The following RANBP3 variants were observed in gnomAD, a reference collection of about 807,000 sequenced individuals.
The protein encoded by RANBP3 is ran-binding protein 3.
A neutral mutation model predicts 77.3 loss-of-function variants in RANBP3; 14 were observed. That is an observed-to-expected ratio of 0.18 (90% CI 0.12 to 0.28). RANBP3 has a LOEUF of 0.28. Ranked by LOEUF, RANBP3 falls within the 10% of genes least tolerant of loss-of-function variation. The probability of loss-of-function intolerance (pLI) is 1.00; values close to 1 mark genes in which losing one functional copy is unlikely to be tolerated. For missense variants in RANBP3, 586 were observed against 752.3 expected, an observed-to-expected ratio of 0.78 and a Z score of 2.59; for synonymous variants, 315 against 312.4, an observed-to-expected ratio of 1.01 and a Z score of -0.09.
intron 16 of RANBP3, 29 bp downstream of exon 16, chr19:5,917,765 C>G: frequency 6.3e-7 from 1 of 1,591,396 alleles, no homozygotes; most frequent in South Asian, 1.1e-5. Flanking sequence ...TCTTTCTATC[C>G]CCCCCAGGGT....
chr19:5,931,852 G>A (rs2057996680), intron 7 of RANBP3, among the ~76,000 whole-genome samples: 1 of 152,000 alleles, frequency 6.6e-6, no homozygotes, highest in Non-Finnish European at 1.5e-5. Flanking sequence ...GGGCAACACA[G>A]CAAGTCCTCG....
chr19:5,973,278 G>A (rs2058551094), intron 1 of RANBP3, among the ~76,000 whole-genome samples: 1 of 152,202 alleles, frequency 6.6e-6, no homozygotes, highest in Non-Finnish European at 1.5e-5. Flanking sequence ...TCAACAAGGT[G>A]CAAGCTGAGA....
intron 8 of RANBP3, among the ~76,000 whole-genome samples, chr19:5,929,308 G>A (rs1393582154): frequency 6.6e-6 from 1 of 152,242 alleles, no homozygotes; most frequent in East Asian, 1.9e-4. Flanking sequence ...CTCAGAGGAT[G>A]GGCTAATCCC....
At chr19:5,927,266 C>T (rs1243524822) in intron 9 of RANBP3, among the ~76,000 whole-genome samples, 1 of 152,166 alleles carries the variant, frequency 6.6e-6, no homozygotes, top group Non-Finnish European at 1.5e-5. Context: ...ATCCCTTCCC[C>T]ACCACACAAT....
intron 10 of RANBP3, 38 bp downstream of exon 10, chr19:5,925,596 C>T (rs539822365): frequency 7.6e-6 from 12 of 1,583,280 alleles, no homozygotes; most frequent in East Asian, 4.5e-5. Context: ...CCACCTGCAT[C>T]GCCATGCCAG....
At chr19:5,961,046 C>T (rs987504754) in intron 1 of RANBP3, among the ~76,000 whole-genome samples, 1 of 152,218 alleles carries the variant, frequency 6.6e-6, no homozygotes, top group African/African-American at 2.4e-5. Flanking sequence ...GTACCCACCC[C>T]TGCCACCATT....
In RANBP3 at chr19:5,921,338, G is replaced by A. The variant is rs757348905; in HGVS notation, c.1210-17C>T. On this transcript the variant is annotated splice_polypyrimidine_tract_variant and intron_variant, in intron 13 of 16. Coordinates refer to ENST00000340578, the MANE Select transcript of RANBP3 (RefSeq NM_007322.3). The surrounding 1 kb of genome is among the most constrained non-coding windows in gnomAD (Gnocchi z 5.3). The stretch of plus-strand genomic sequence containing the variant: ...GCACTGCATCTGGAACACAGTGGCC[G>A]CCGGTAAGCAGGGACCCCAGCTGGT... 3.5e-5 allele frequency: 57 copies of A among 1,612,298 alleles called. No homozygotes were observed. Among genetic ancestry groups the A allele is most frequent in the East Asian group, 2.0e-4 (9 of 44,832 alleles).
chr19:5,964,848 A>AGGGT (rs2058445026), intron 1 of RANBP3, among the ~76,000 whole-genome samples: 1 of 4,726 alleles, frequency 2.1e-4, no homozygotes, highest in Non-Finnish European at 4.2e-4. Context: ...TGGAGGTGGT[A>AGGGT]GGGTGGGGGG....
chr19:5,924,381 G>A lies in RANBP3; in HGVS notation c.996+446C>T, dbSNP rs768174416. On this transcript the variant is annotated intron_variant, in intron 11 of 16. Transcript: ENST00000340578. This position sits in a 1 kb window ranked among gnomAD's most constrained non-coding sequence, Gnocchi z 4.7. ...TAGAACCCTCTCCCAGGCTGGCTGGGCTCCTGGGAACGGAGATGGGCCTTT... is the reference window on the plus strand; with the variant it reads ...TAGAACCCTCTCCCAGGCTGGCTGGACTCCTGGGAACGGAGATGGGCCTTT... 3.9e-5 allele frequency among the ~76,000 whole-genome samples: 6 copies of A among 152,250 alleles called. No homozygotes were observed. Among genetic ancestry groups the A allele is most frequent in the African/African-American group, 1.4e-4 (6 of 41,464 alleles).
intron 1 of RANBP3, among the ~76,000 whole-genome samples, chr19:5,972,932 A>G (rs1156412863): frequency 6.6e-6 from 1 of 152,198 alleles, no homozygotes; most frequent in African/African-American, 2.4e-5. Flanking sequence ...AGGCAGGCTG[A>G]AGGCTTGTTT....
chr19:5,935,807 T>C (rs1384912343), intron 5 of RANBP3: 1 of 456,682 alleles, frequency 2.2e-6, no homozygotes, highest in Admixed American at 2.3e-5. Flanking sequence ...AAAACAAGGG[T>C]GGTCTCTTCT....
Position 5,941,692 on chromosome 19 carries a change from T to G in RANBP3, c.335A>C (p.Asp112Ala). ...PEGGEDSDRE[D>A]GNYCPPVKRE... The stretch of plus-strand genomic sequence containing the variant: ...CTTGACAGGAGGGCAGTAATTTCCA[T>G]CTTCTCTGTCAGAATCTACAGAAAA... Residue 112 changes from aspartate (D) to alanine (A), a missense_variant, in exon 5 of 17, where the codon GAT becomes GCT. By Grantham distance (126) the Asp-to-Ala change is moderately radical (BLOSUM62 -2). Coordinates refer to ENST00000340578, the MANE Select transcript of RANBP3 (RefSeq NM_007322.3). 6.2e-7 allele frequency: 1 copy of G among 1,613,792 alleles called. No homozygotes were observed. The highest frequency in any genetic ancestry group is 8.5e-7 in the Non-Finnish European group (1 of 1,179,896).
intron 1 of RANBP3, among the ~76,000 whole-genome samples, chr19:5,971,566 A>C (rs1175641906): frequency 1.3e-5 from 2 of 152,238 alleles, no homozygotes; most frequent in African/African-American, 4.8e-5. Flanking sequence ...AATAAGAGTG[A>C]AAAAAGAGCA....
chr19:5,932,631 C>G, intron 6 of RANBP3, 87 bp from the exon 7 acceptor site: 1 of 1,051,244 alleles, frequency 9.5e-7, no homozygotes, highest in Non-Finnish European at 1.4e-6. Context: ...CATCCCATTT[C>G]ATGCCCCTTG....
In RANBP3 at chr19:5,931,460, C is replaced by A; in HGVS notation, c.637G>T (p.Asp213Tyr). ...GAAGGACTTCTCCATGCAGCAGTGT[C>A]AGGGGATGCTGCGGGCACTGCCCCC... ...CTGAVPAASP[D>Y]TAAWRSPSEA... The change falls in exon 8 of 17, where the codon GAC becomes TAC. Residue 213 changes from aspartate to tyrosine, a missense_variant. Coordinates refer to ENST00000340578, the MANE Select transcript of RANBP3 (RefSeq NM_007322.3). The A allele has an allele frequency of 1.2e-6, 2 of 1,612,976 alleles. No homozygotes were observed. The highest frequency in any genetic ancestry group is 1.7e-6 in the Non-Finnish European group (2 of 1,179,642).
rs536967134 is a variant in RANBP3, at chr19:5,923,792, G to A, written c.1099+20C>T. 1.5e-4 allele frequency: 234 copies of A among 1,572,776 alleles called. 1 individual carries two copies. In the South Asian group the frequency reaches 2.4e-3, roughly 16 times the overall value. On this transcript the variant is annotated intron_variant, in intron 12 of 16. Transcript: ENST00000340578. ...GATGACCTACCATGAGCCCCATGCTGTGGTGGGACGCTAACATACCTTTCT... is the reference window on the plus strand; with the variant it reads ...GATGACCTACCATGAGCCCCATGCTATGGTGGGACGCTAACATACCTTTCT...
intron 3 of RANBP3, among the ~76,000 whole-genome samples, chr19:5,945,020 G>T (rs1217042129): frequency 2.0e-5 from 3 of 152,084 alleles, no homozygotes; most frequent in Non-Finnish European, 4.4e-5. Context: ...TTTCCCTCAA[G>T]CGAGAATGAA....
intron 5 of RANBP3, among the ~76,000 whole-genome samples, chr19:5,940,735 A>G (rs149691073): frequency 6.6e-6 from 1 of 152,330 alleles, no homozygotes; most frequent in East Asian, 1.9e-4. Flanking sequence ...GAACCTGTCT[A>G]AACACTCATG....
At chr19:5,919,055 C>G (rs1555751171) in intron 14 of RANBP3, among the ~76,000 whole-genome samples, 4 of 152,088 alleles carry the variant, frequency 2.6e-5, no homozygotes, top group South Asian at 2.1e-4. Context: ...CATGCGCTTT[C>G]TGTGTGTGTG....
Sources: allele counts gnomAD v4.1 joint callset (sites outside exome capture counted in the v4.1 genomes callset), GRCh38; gene constraint gnomAD v4.1.1; non-coding constraint Gnocchi (gnomAD v3.1); transcripts MANE v1.5; gene names NCBI Gene and HGNC (gene_info 2026-07-23, HGNC 2026-07-21).